The following CIMAP1D variants were observed in gnomAD, a reference collection of about 807,000 sequenced individuals.
CIMAP1D encodes the protein CIMAP1 family member D.
the CIMAP1D span, chr19:463,836 G>A: frequency 1.9e-6 from 3 of 1,604,476 alleles, no homozygotes; most frequent in Non-Finnish European, 2.5e-6. Context: ...GTGGGAAACA[G>A]GCCTGGCCTA....
chr19:483,024 C>G, the CIMAP1D span, among the ~76,000 whole-genome samples: 2 of 152,178 alleles, frequency 1.3e-5, no homozygotes, highest in East Asian at 3.8e-4. Context: ...CTCTGAAAAA[C>G]GGGCATATGT....
chr19:479,398 CTT>C, the CIMAP1D span, among the ~76,000 whole-genome samples: 429 of 78,868 alleles, frequency 5.4e-3, 6 homozygotes, highest in African/African-American at 0.017. Context: ...TTCTTTTTCT[CTT>C]TTTTTTTTTT....
At chr19:474,822 C>T in the CIMAP1D span, 2 of 1,293,734 alleles carry the variant, frequency 1.5e-6, no homozygotes, top group East Asian at 3.0e-5. Context: ...CTCTGGCGGC[C>T]ACAGGCCCAG....
At chr19:470,901 G>C in the CIMAP1D span, among the ~76,000 whole-genome samples, 24 of 152,128 alleles carry the variant, frequency 1.6e-4, no homozygotes, top group Non-Finnish European at 2.8e-4. Flanking sequence ...ACAGGAGCAG[G>C]CACCATGGGG....
the CIMAP1D span, among the ~76,000 whole-genome samples, chr19:481,410 TGG>T: frequency 1.4e-5 from 1 of 70,286 alleles, no homozygotes; most frequent in African/African-American, 7.5e-5. Context: ...GGAAGGATGA[TGG>T]GAAGGATGAT....
the CIMAP1D span, chr19:463,710 G>A: frequency 7.7e-7 from 1 of 1,294,278 alleles, no homozygotes; most frequent in Non-Finnish European, 1.0e-6. Flanking sequence ...GTCCTAGAAG[G>A]ACCTGGACAG....
chr19:469,219 G>GA, the CIMAP1D span, among the ~76,000 whole-genome samples: 9 of 130,796 alleles, frequency 6.9e-5, 1 homozygote, highest in African/African-American at 3.2e-4. Flanking sequence ...AGGCTGGGGA[G>GA]ATTCTTTTTT....
the CIMAP1D span, among the ~76,000 whole-genome samples, chr19:477,654 T>C: frequency 6.6e-6 from 1 of 152,160 alleles, no homozygotes; most frequent in African/African-American, 2.4e-5. Context: ...TTTATTTTTA[T>C]TTTTATTTGT....
the CIMAP1D span, among the ~76,000 whole-genome samples, chr19:485,069 G>A: frequency 0.62 from 94,607 of 151,682 alleles, 32,419 homozygotes; most frequent in Non-Finnish European, 0.77. Context: ...TTTCTGAGAC[G>A]CTGTGGGGTG....
At chr19:491,362 C>G in the CIMAP1D span, among the ~76,000 whole-genome samples, 3 of 152,180 alleles carry the variant, frequency 2.0e-5, no homozygotes, top group Non-Finnish European at 4.4e-5. Flanking sequence ...TAGTCTCAAA[C>G]CCGGCGAGGG....
chr19:469,165 C>T, the CIMAP1D span, among the ~76,000 whole-genome samples: 1 of 152,010 alleles, frequency 6.6e-6, no homozygotes, highest in Non-Finnish European at 1.5e-5. Flanking sequence ...ATTTTTAGCC[C>T]CTTCCCCAGG....
At chr19:464,159 C>G in the CIMAP1D span, 2 of 1,503,454 alleles carry the variant, frequency 1.3e-6, no homozygotes, top group South Asian at 2.6e-5. Flanking sequence ...TGCGGCCCAC[C>G]ACCGTGTAGC....
At chr19:480,466 G>A in the CIMAP1D span, among the ~76,000 whole-genome samples, 1 of 150,818 alleles carries the variant, frequency 6.6e-6, no homozygotes, top group South Asian at 2.1e-4. Context: ...AGGATGATGG[G>A]AAGGATGATG....
chr19:481,664 A>G, the CIMAP1D span, among the ~76,000 whole-genome samples: 1 of 151,890 alleles, frequency 6.6e-6, no homozygotes, highest in South Asian at 2.1e-4. Flanking sequence ...AATGGGAAGG[A>G]TGATGGCAAC....
chr19:489,945 C>A, the CIMAP1D span: 1 of 397,924 alleles, frequency 2.5e-6, no homozygotes, highest in Non-Finnish European at 4.4e-6. Context: ...GGCCCCTGCC[C>A]GGTGCTGAGA....
chr19:479,041 G>C, the CIMAP1D span, among the ~76,000 whole-genome samples: 58 of 152,352 alleles, frequency 3.8e-4, no homozygotes, highest in African/African-American at 1.2e-3. Flanking sequence ...GTGGGCGAAG[G>C]GGGTGTTGGA....
At chr19:470,177 C>A in the CIMAP1D span, among the ~76,000 whole-genome samples, 5 of 151,386 alleles carry the variant, frequency 3.3e-5, no homozygotes, top group South Asian at 8.3e-4. Flanking sequence ...AACCTGGGAA[C>A]TCAGATCGGT....
At chr19:477,275 T>C in the CIMAP1D span, among the ~76,000 whole-genome samples, 45 of 152,230 alleles carry the variant, frequency 3.0e-4, no homozygotes, top group East Asian at 7.5e-3. Flanking sequence ...AATTGAAAAC[T>C]GTAGAAATAA....
the CIMAP1D span, among the ~76,000 whole-genome samples, chr19:470,848 G>C: frequency 6.6e-6 from 1 of 152,234 alleles, no homozygotes; most frequent in African/African-American, 2.4e-5. Flanking sequence ...CCTGGGTGCC[G>C]GGCGGGGTCC....
Sources: gnomAD v4.1 joint callset for allele counts (sites outside exome capture counted in the v4.1 genomes callset) on GRCh38, gnomAD v4.1.1 for gene constraint, MANE v1.5 for transcripts, NCBI Gene and HGNC (gene_info 2026-07-23, HGNC 2026-07-21) for gene names.